GRID2: variants seen among roughly 807,000 people sequenced by gnomAD.
The protein encoded by GRID2 is glutamate receptor ionotropic, delta-2.
Under a neutral mutation model 114.8 loss-of-function variants are expected in GRID2, and 33 were observed. The observed-to-expected ratio is 0.29, with a 90% CI of 0.22 to 0.38. GRID2 has a LOEUF of 0.38. GRID2 is among the 10% of genes least tolerant of loss of function. The pLI is 1.00. For synonymous variants in GRID2, 505 were observed against 449.9 expected (o/e 1.12, Z -1.55); for missense variants, 1,184 against 1,257.7 (o/e 0.94, Z 0.89).
intron 2 of GRID2, among the ~76,000 whole-genome samples, chr4:92,634,859 C>A (rs113290836): frequency 7.0e-6 from 1 of 143,124 alleles, no homozygotes; most frequent in Non-Finnish European, 1.5e-5. Context: ...TGCAGAGAGA[C>A]AGAGAGAGAG....
At chr4:92,616,272 T>A (rs1579691454) in intron 2 of GRID2, among the ~76,000 whole-genome samples, 1 of 151,642 alleles carries the variant, frequency 6.6e-6, no homozygotes, top group East Asian at 1.9e-4. Flanking sequence ...TTGACAGATT[T>A]TTTTTTTATT....
intron 4 of GRID2, among the ~76,000 whole-genome samples, chr4:93,205,333 G>A (rs1340734982): frequency 6.6e-6 from 1 of 151,896 alleles, no homozygotes; most frequent in Non-Finnish European, 1.5e-5. Flanking sequence ...ATAGTCCCTG[G>A]AGTGTGATGG....
At chr4:92,541,751 G>T (rs1410665407) in intron 1 of GRID2, among the ~76,000 whole-genome samples, 1 of 151,950 alleles carries the variant, frequency 6.6e-6, no homozygotes, top group Non-Finnish European at 1.5e-5. Flanking sequence ...CCATGTAGAG[G>T]GTGAGAGTGG....
intron 2 of GRID2, among the ~76,000 whole-genome samples, chr4:92,920,963 T>C (rs1438823989): frequency 6.6e-6 from 1 of 152,170 alleles, no homozygotes; most frequent in African/African-American, 2.4e-5. Flanking sequence ...GGTTCCATTC[T>C]CCCAGTCACT....
intron 2 of GRID2, among the ~76,000 whole-genome samples, chr4:92,615,506 T>G (rs1163160770): frequency 1.3e-5 from 2 of 151,638 alleles, no homozygotes; most frequent in Non-Finnish European, 3.0e-5. Flanking sequence ...CTATTTGTAT[T>G]TGTGTTTTAA....
intron 2 of GRID2, among the ~76,000 whole-genome samples, chr4:92,975,136 G>T (rs1483142098): frequency 5.0e-5 from 4 of 79,416 alleles, no homozygotes; most frequent in Non-Finnish European, 8.7e-5. Context: ...CAGCCTGGGC[G>T]ACAGAGTGAG....
At chr4:93,729,174 A>G (rs1730244298) in intron 14 of GRID2, among the ~76,000 whole-genome samples, 1 of 152,136 alleles carries the variant, frequency 6.6e-6, no homozygotes, top group Non-Finnish European at 1.5e-5. Context: ...GGGATTATTC[A>G]TGTGAGCCAC....
intron 14 of GRID2, among the ~76,000 whole-genome samples, chr4:93,755,934 G>A (rs1372921215): frequency 6.6e-6 from 1 of 152,080 alleles, no homozygotes; most frequent in Non-Finnish European, 1.5e-5. Context: ...TCACAACACA[G>A]GAGTTAAGTT....
intron 2 of GRID2, among the ~76,000 whole-genome samples, chr4:93,011,243 T>C (rs1452939456): frequency 6.6e-6 from 1 of 151,934 alleles, no homozygotes; most frequent in African/African-American, 2.4e-5. Context: ...TTTCTATAAA[T>C]TTGTATAGGT....
rs1351623427 is a variant in GRID2 at position 92,505,530 on chromosome 4, C to T, written c.89-84601C>T. 3.3e-5 allele frequency among the ~76,000 whole-genome samples: 5 copies of T among 151,930 alleles called. 1 individual carries two copies. The highest frequency in any genetic ancestry group is 2.1e-4 in the South Asian group (1 of 4,822). Reference sequence around the variant, plus strand: ...GCACAGTCAATGGTCATGATGCCCACGGGTTAGTGTTGTAATAGATAAGTG... The same window carrying T: ...GCACAGTCAATGGTCATGATGCCCATGGGTTAGTGTTGTAATAGATAAGTG... On this transcript the variant is annotated intron_variant, in intron 1 of 15. Coordinates refer to ENST00000282020, the MANE Select transcript of GRID2 (RefSeq NM_001510.4).
At chr4:93,485,279 A>C (rs1220922575) in intron 11 of GRID2, among the ~76,000 whole-genome samples, 1 of 151,680 alleles carries the variant, frequency 6.6e-6, no homozygotes, top group Admixed American at 6.6e-5. Flanking sequence ...ATAGGAGTTA[A>C]TATTTATTGA....
chr4:93,727,982 T>A (rs1334121451), intron 14 of GRID2, among the ~76,000 whole-genome samples: 1 of 152,232 alleles, frequency 6.6e-6, no homozygotes, highest in Non-Finnish European at 1.5e-5. Flanking sequence ...TGTCTCTATG[T>A]CCTTCAGTTC....
intron 2 of GRID2, among the ~76,000 whole-genome samples, chr4:93,020,830 C>G (rs1293258672): frequency 6.6e-6 from 1 of 151,894 alleles, no homozygotes; most frequent in Non-Finnish European, 1.5e-5. Flanking sequence ...TTCAGGAGTT[C>G]GAGACCAGCC....
At chr4:93,805,352 T>A (rs977505381) in intron 1 of GRID2, among the ~76,000 whole-genome samples, 1 of 152,214 alleles carries the variant, frequency 6.6e-6, no homozygotes, top group African/African-American at 2.4e-5. Context: ...ATGCAGTGTT[T>A]CCCAAGTGTG....
chr4:92,451,526 C>G (rs1720926253), intron 1 of GRID2, among the ~76,000 whole-genome samples: 1 of 152,038 alleles, frequency 6.6e-6, no homozygotes, highest in Admixed American at 6.6e-5. Flanking sequence ...ACAATCACTT[C>G]CCACATTTTA....
At chr4:93,328,829 A>G (rs545915668) in intron 8 of GRID2, among the ~76,000 whole-genome samples, 7 of 152,144 alleles carry the variant, frequency 4.6e-5, no homozygotes, top group Admixed American at 6.6e-5. Context: ...ATACAGGATT[A>G]CAGATTTGAA....
chr4:93,420,731 CTTATTTATTTAT>C (rs36041449), intron 9 of GRID2, among the ~76,000 whole-genome samples: 44 of 146,286 alleles, frequency 3.0e-4, no homozygotes, highest in Middle Eastern at 3.5e-3. Context: ...ATTATTTTTA[CTTATTTATTTAT>C]TTATTTATTT....
In GRID2 at chr4:93,771,652, A is replaced by G. The variant is rs560227357; in HGVS notation, c.2602-424A>G. On this transcript the variant is annotated intron_variant, in intron 15 of 15. Coordinates refer to ENST00000282020, the MANE Select transcript of GRID2 (RefSeq NM_001510.4). ...CTTAAGTTTAGGAGTAAGTGGTTGA[A>G]AGGAACAAAAATTTAACTTGGAATG... is the stretch of plus-strand genomic sequence containing the variant. Among the ~76,000 whole-genome samples, 16 of 152,280 alleles carry G rather than the reference A, an allele frequency of 1.1e-4. No individual in the cohort carries two copies. In the South Asian group the frequency reaches 3.1e-3, roughly 30 times the overall value.
At chr4:93,349,566 A>G (rs1410651492) in intron 8 of GRID2, among the ~76,000 whole-genome samples, 1 of 152,126 alleles carries the variant, frequency 6.6e-6, no homozygotes, top group Admixed American at 6.6e-5. Flanking sequence ...AGTTTTGCAC[A>G]TAATAGAAAA....
Sources: gnomAD v4.1 joint callset for allele counts (sites outside exome capture counted in the v4.1 genomes callset) on GRCh38, gnomAD v4.1.1 for gene constraint, MANE v1.5 for transcripts, NCBI Gene and HGNC (gene_info 2026-07-23, HGNC 2026-07-21) for gene names.